The following SLC13A4 variants were observed in gnomAD, a reference collection of about 807,000 sequenced individuals.
SLC13A4 encodes Na(+)/sulfate cotransporter SUT-1.
In SLC13A4, 28 loss-of-function variants were observed where a neutral mutation model predicts 72.7. The observed-to-expected ratio is 0.39, with a 90% confidence interval of 0.29 to 0.53. The LOEUF (loss-of-function observed/expected upper bound fraction) is 0.53. Among genes scored for constraint, SLC13A4 ranks in the 20% least tolerant of loss-of-function variants. The probability of loss-of-function intolerance (pLI) is 0.78; values close to 1 mark genes in which losing one functional copy is unlikely to be tolerated. For missense variants in SLC13A4, 653 were observed against 788.0 expected (o/e 0.83, Z 2.05); for synonymous variants, 312 against 325.5 (o/e 0.96, Z 0.45).
intron 14 of SLC13A4, 151 bp from the exon 15 acceptor site, chr7:135,684,412 A>G: frequency 1.2e-6 from 1 of 809,182 alleles, no homozygotes; most frequent in Non-Finnish European, 1.8e-6. Flanking sequence ...CCTCTGGGGC[A>G]TGCAGTCCCT....
intron 13 of SLC13A4, among the ~76,000 whole-genome samples, chr7:135,687,461 G>A (rs1436334815): frequency 6.6e-6 from 1 of 152,144 alleles, no homozygotes; most frequent in African/African-American, 2.4e-5. Flanking sequence ...CATCTCTACA[G>A]TACCCTGGCC....
intron 13 of SLC13A4, among the ~76,000 whole-genome samples, chr7:135,690,151 A>T (rs904863002): frequency 7.1e-6 from 1 of 139,924 alleles, no homozygotes; most frequent in Non-Finnish European, 1.5e-5. Context: ...ACTGCACTCC[A>T]GCCTAGGTGA....
chr7:135,721,282 G>T (rs1796541361), intron 2 of SLC13A4, 113 bp downstream of exon 2: 2 of 1,273,312 alleles, frequency 1.6e-6, no homozygotes, highest in Non-Finnish European at 2.2e-6. Flanking sequence ...CATTCCAGTG[G>T]GTGACAAGGC....
At position 135,681,376 on chromosome 7, in the gene SLC13A4, T is replaced by C; in HGVS notation, c.*187A>G. ...AAGAAGACACTAACAGCGAAGCATG[T>C]GTTTGTGGTTGTTGGAGGATTCCTG... On this transcript the variant is annotated 3_prime_UTR_variant, in exon 16 of 16. Transcript: ENST00000682651. The C allele has an allele frequency of 1.8e-6, 1 of 559,390 alleles. No homozygotes were observed. Among genetic ancestry groups the C allele is most frequent in the Non-Finnish European group, 3.0e-6 (1 of 334,584 alleles). The allele number at this position is 559,390 out of a possible 1,614,324, so 34.7% of individuals were successfully genotyped here.
At chr7:135,695,811 T>G (rs1333583046) in intron 8 of SLC13A4, among the ~76,000 whole-genome samples, 1 of 152,216 alleles carries the variant, frequency 6.6e-6, no homozygotes, top group Non-Finnish European at 1.5e-5. Flanking sequence ...CATCTGGTTT[T>G]CAAGGCAACA....
In SLC13A4 at chr7:135,727,533, G is replaced by A; in HGVS notation, c.-37C>T. ...CCTCTCCAGCTCGTCCTTGGACCCC[G>A]CTCTGCCGGCGAAAGGCTTCCTGCC... On this transcript the variant is annotated 5_prime_UTR_variant, in exon 1 of 16. Coordinates refer to ENST00000682651, the MANE Select transcript of SLC13A4 (RefSeq NM_001318192.2). The A allele has an allele frequency of 2.0e-6, 3 of 1,527,916 alleles. No individual in the cohort carries two copies. Among genetic ancestry groups the A allele is most frequent in the Non-Finnish European group, 2.7e-6 (3 of 1,131,718 alleles). 94.6% of individuals were successfully genotyped at this position (1,527,916 alleles called of 1,614,324 possible). A position where few individuals can be genotyped will look rare whatever the true frequency, so the allele number is the denominator to read the frequency against.
chr7:135,695,599 T>C, intron 8 of SLC13A4, 112 bp from the exon 9 acceptor site: 1 of 1,224,354 alleles, frequency 8.2e-7, no homozygotes, highest in Non-Finnish European at 1.1e-6. Flanking sequence ...AGTGGGGAGA[T>C]AATGATAACG....
At chr7:135,699,718 T>G (rs1245496123) in intron 7 of SLC13A4, among the ~76,000 whole-genome samples, 170 bp from the exon 8 acceptor site, 1 of 152,234 alleles carries the variant, frequency 6.6e-6, no homozygotes, top group East Asian at 1.9e-4. Flanking sequence ...GAGCTGCAGT[T>G]TCTTCTTTGT....
chr7:135,700,978 A>G (rs757574689), intron 7 of SLC13A4, among the ~76,000 whole-genome samples: 1 of 152,168 alleles, frequency 6.6e-6, no homozygotes, highest in Non-Finnish European at 1.5e-5. Context: ...TGATGGGTTA[A>G]TTGCATGTGG....
intron 2 of SLC13A4, among the ~76,000 whole-genome samples, chr7:135,718,155 A>G (rs752889298): frequency 6.6e-6 from 1 of 151,324 alleles, no homozygotes; most frequent in Non-Finnish European, 1.5e-5. Context: ...ACTGCAGAAC[A>G]TATCCAGCTT....
chr7:135,694,062 A>G (rs1259161705), intron 10 of SLC13A4, 75 bp downstream of exon 10: 2 of 880,220 alleles, frequency 2.3e-6, no homozygotes, highest in East Asian at 2.4e-5. Flanking sequence ...TGTCAGGAAC[A>G]GGGCTGCTCC....
intron 10 of SLC13A4, chr7:135,693,123 A>T (rs1563158163): frequency 6.6e-6 from 1 of 151,412 alleles, no homozygotes; most frequent in Admixed American, 6.6e-5. Context: ...AAAAAAAAAA[A>T]AATAGTTGGT....
At chr7:135,717,619 A>G (rs572582591) in intron 2 of SLC13A4, among the ~76,000 whole-genome samples, 32 of 152,318 alleles carry the variant, frequency 2.1e-4, no homozygotes, top group African/African-American at 6.7e-4. Context: ...AGCTTTGCAC[A>G]CAACTCCTAA....
intron 9 of SLC13A4, 143 bp from the exon 10 acceptor site, chr7:135,694,381 A>G: frequency 3.4e-6 from 2 of 595,938 alleles, no homozygotes; most frequent in East Asian, 5.7e-5. Flanking sequence ...TCCCCCACCT[A>G]TTCATATGGC....
intron 1 of SLC13A4, among the ~76,000 whole-genome samples, chr7:135,726,025 C>T (rs1796650102): frequency 1.3e-5 from 2 of 152,080 alleles, no homozygotes; most frequent in African/African-American, 4.8e-5. Flanking sequence ...ACCTGCTGGG[C>T]ACCTAGTCTG....
At position 135,721,424 on chromosome 7, in the gene SLC13A4, G is replaced by A. The variant is rs773587989; in HGVS notation, c.199C>T (p.Pro67Ser). Residue 67 changes from proline to serine, a missense_variant, in exon 2 of 16, where the codon CCG becomes TCG. Transcript: ENST00000682651. ...AAALVPAFLYPFFGVLRSNEV... is the reference protein window; with the variant it reads ...AAALVPAFLYSFFGVLRSNEV... ...TTGGACCGGAGGACTCCGAAGAACG[G>A]GTAAAGGAAGGCCGGCACCAGGGCT... The A allele has an allele frequency of 3.7e-6, 6 of 1,613,990 alleles. No homozygotes were observed. The highest frequency in any genetic ancestry group is 1.3e-5 in the African/African-American group (1 of 74,922).
intron 3 of SLC13A4, 84 bp from the exon 4 acceptor site, chr7:135,706,384 G>A: frequency 7.0e-7 from 1 of 1,422,860 alleles, no homozygotes; most frequent in Non-Finnish European, 9.6e-7. Context: ...CCAACCTGCT[G>A]GGGCTGGTCT....
chr7:135,724,500 GAAAAAA>G (rs5887740), intron 1 of SLC13A4, among the ~76,000 whole-genome samples: 4 of 94,470 alleles, frequency 4.2e-5, no homozygotes, highest in Admixed American at 3.7e-4. Flanking sequence ...CTCTGTCTCA[GAAAAAA>G]AAAAAAAAAA....
intron 1 of SLC13A4, among the ~76,000 whole-genome samples, chr7:135,725,404 C>G (rs544980029): frequency 6.6e-6 from 1 of 152,298 alleles, no homozygotes; most frequent in South Asian, 2.1e-4. Flanking sequence ...ACTGGGGGCA[C>G]TGAGGAAGGG....
Sources: allele counts gnomAD v4.1 joint callset (sites outside exome capture counted in the v4.1 genomes callset), GRCh38; gene constraint gnomAD v4.1.1; transcripts MANE v1.5; gene names NCBI Gene and HGNC (gene_info 2026-07-23, HGNC 2026-07-21).